Variants in IQCJ observed in about 807,000 individuals in gnomAD.
The protein encoded by IQCJ is IQ domain-containing protein J.
In IQCJ, 9 loss-of-function variants were observed where a neutral mutation model predicts 11.0. That is an observed-to-expected ratio of 0.82 (90% CI 0.49 to 1.43). The LOEUF (loss-of-function observed/expected upper bound fraction) is 1.43, where lower values mean the gene tolerates loss of function less well. IQCJ is among the 40% of genes most tolerant of loss of function. The probability of loss-of-function intolerance (pLI) is 0.00; values close to 1 mark genes in which losing one functional copy is unlikely to be tolerated. For synonymous variants in IQCJ, 55 were observed against 51.3 expected (o/e 1.07, Z -0.31); for missense variants, 146 against 133.2 (o/e 1.10, Z -0.47).
At chr3:159,163,697 G>A (rs931903297) in intron 1 of IQCJ, among the ~76,000 whole-genome samples, 1 of 152,046 alleles carries the variant, frequency 6.6e-6, no homozygotes, top group Non-Finnish European at 1.5e-5. Context: ...CTTGATCCTT[G>A]TAACAATCCT....
chr3:159,252,506 G>A (rs1365955976), intron 2 of IQCJ, among the ~76,000 whole-genome samples: 1 of 151,952 alleles, frequency 6.6e-6, no homozygotes, highest in Non-Finnish European at 1.5e-5. Context: ...AATGTTAGTT[G>A]AGAACAGCAA....
intron 1 of IQCJ, among the ~76,000 whole-genome samples, chr3:159,110,450 C>T: frequency 6.6e-6 from 1 of 152,270 alleles, no homozygotes; most frequent in East Asian, 1.9e-4. Flanking sequence ...CAGCAAACTC[C>T]TTTTCATTTA....
chr3:159,091,281 A>G (rs908117154), intron 1 of IQCJ, among the ~76,000 whole-genome samples: 2 of 151,788 alleles, frequency 1.3e-5, no homozygotes, highest in African/African-American at 4.9e-5. Flanking sequence ...AACAACAAAA[A>G]TTATTTCTCT....
intron 1 of IQCJ, among the ~76,000 whole-genome samples, chr3:159,147,232 G>A (rs886864622): frequency 1.3e-5 from 2 of 152,182 alleles, no homozygotes; most frequent in Non-Finnish European, 2.9e-5. Flanking sequence ...AGTGCAAAGG[G>A]AAATGATTTA....
intron 1 of IQCJ, among the ~76,000 whole-genome samples, chr3:159,116,632 A>G (rs1360151018): frequency 8.5e-4 from 33 of 38,668 alleles, no homozygotes; most frequent in African/African-American, 4.0e-3. Context: ...ATATATATAT[A>G]TATATATATA....
chr3:159,151,524 C>G (rs1375959019), intron 1 of IQCJ, among the ~76,000 whole-genome samples: 2 of 152,180 alleles, frequency 1.3e-5, no homozygotes, highest in East Asian at 1.9e-4. Flanking sequence ...GTGGAGCTGC[C>G]CCTCCTGTGG....
intron 1 of IQCJ, among the ~76,000 whole-genome samples, chr3:159,101,734 A>G (rs184686444): frequency 1.8e-4 from 28 of 152,276 alleles, no homozygotes; most frequent in Non-Finnish European, 3.7e-4. Context: ...GTTTCACCAG[A>G]TACAACCCCA....
chr3:159,187,948 G>A (rs903710601), intron 1 of IQCJ, among the ~76,000 whole-genome samples: 16 of 152,106 alleles, frequency 1.1e-4, no homozygotes, highest in Non-Finnish European at 2.2e-4. Context: ...TTAGGCTTAA[G>A]CCAATGAGAA....
rs554214808 is a variant in IQCJ, at chr3:159,085,515, C to A, written c.9+16074C>A. Among the ~76,000 whole-genome samples, 1,491 of 150,714 alleles carry A rather than the reference C, an allele frequency of 9.9e-3. 29 individuals are homozygous for A. Among genetic ancestry groups the A allele is most frequent in the African/African-American group, 0.034 (1,403 of 41,004 alleles). On this transcript the variant is annotated intron_variant, in intron 1 of 3. Coordinates refer to ENST00000397832, the MANE Select transcript of IQCJ (RefSeq NM_001042706.3). ...CACACTGACTTCCACAATGGTTGAACTGGTTTACAGTCCCACCAACAGTGT... is the reference window on the plus strand; with the variant it reads ...CACACTGACTTCCACAATGGTTGAAATGGTTTACAGTCCCACCAACAGTGT...
intron 1 of IQCJ, among the ~76,000 whole-genome samples, chr3:159,123,222 A>G (rs916143479): frequency 6.6e-6 from 1 of 152,194 alleles, no homozygotes; most frequent in African/African-American, 2.4e-5. Flanking sequence ...CAAAATATGA[A>G]TGACCCACAT....
At chr3:159,122,893 A>G (rs1352687218) in intron 1 of IQCJ, among the ~76,000 whole-genome samples, 1 of 152,162 alleles carries the variant, frequency 6.6e-6, no homozygotes, top group South Asian at 2.1e-4. Flanking sequence ...TTAAATCTTG[A>G]GAGGGGTTGG....
intron 1 of IQCJ, among the ~76,000 whole-genome samples, chr3:159,102,177 A>G (rs570134230): frequency 6.6e-6 from 1 of 152,360 alleles, no homozygotes; most frequent in East Asian, 1.9e-4. Context: ...TAATAAGATA[A>G]TCTGCTTTTC....
intron 1 of IQCJ, among the ~76,000 whole-genome samples, chr3:159,227,352 C>T: frequency 6.6e-6 from 1 of 152,164 alleles, no homozygotes; most frequent in East Asian, 1.9e-4. Flanking sequence ...TTTATAACTA[C>T]TTATATTGAT....
At chr3:159,174,769 A>G (rs1315969604) in intron 1 of IQCJ, among the ~76,000 whole-genome samples, 1 of 152,106 alleles carries the variant, frequency 6.6e-6, no homozygotes, top group Non-Finnish European at 1.5e-5. Flanking sequence ...TACAAATGTG[A>G]TTTATTGTGT....
At chr3:159,082,535 G>GA (rs141825357) in intron 1 of IQCJ, among the ~76,000 whole-genome samples, 248 of 147,788 alleles carry the variant, frequency 1.7e-3, no homozygotes, top group African/African-American at 5.2e-3. Flanking sequence ...AGAGGCCCAG[G>GA]AAAAAAAAAA....
chr3:159,182,332 G>C (rs1294494205), intron 1 of IQCJ, among the ~76,000 whole-genome samples: 1 of 151,970 alleles, frequency 6.6e-6, no homozygotes, highest in Non-Finnish European at 1.5e-5. Context: ...CCACATGGGA[G>C]CTCTGAAACT....
At chr3:159,177,372 T>C (rs867699662) in intron 1 of IQCJ, among the ~76,000 whole-genome samples, 3 of 152,182 alleles carry the variant, frequency 2.0e-5, no homozygotes, top group Non-Finnish European at 2.9e-5. Context: ...GACAACGCCA[T>C]GTGCTGACAA....
chr3:159,266,299 C>T (rs1728487515), downstream of IQCJ: 1 of 152,316 alleles, frequency 6.6e-6, no homozygotes. Context: ...ATTTCTAAGA[C>T]TGCTTTACAA....
intron 1 of IQCJ, among the ~76,000 whole-genome samples, chr3:159,092,333 A>G (rs953981564): frequency 1.3e-5 from 2 of 152,062 alleles, no homozygotes; most frequent in Admixed American, 1.3e-4. Context: ...AAACAGAAAC[A>G]TAGCATCCAA....
Sources: gnomAD v4.1 joint callset for allele counts (sites outside exome capture counted in the v4.1 genomes callset) on GRCh38, gnomAD v4.1.1 for gene constraint, MANE v1.5 for transcripts, NCBI Gene and HGNC (gene_info 2026-07-23, HGNC 2026-07-21) for gene names.